The following TMEM200A variants were observed in gnomAD, a reference collection of about 807,000 sequenced individuals.
TMEM200A encodes the protein transmembrane protein 200A, also known as two transmembrane C.
A neutral mutation model predicts 24.3 loss-of-function variants in TMEM200A; 12 were observed. The observed-to-expected ratio is 0.49, with a 90% CI of 0.32 to 0.80. The LOEUF (loss-of-function observed/expected upper bound fraction) is 0.80. Among genes scored for constraint, TMEM200A ranks in the 30% least tolerant of loss-of-function variants. TMEM200A has a pLI of 0.04. For missense variants in TMEM200A, 545 were observed against 614.4 expected (o/e 0.89, Z 1.19); for synonymous variants, 224 against 224.4 (o/e 1.00, Z 0.02).
chr6:130,436,084 G>GA (rs1269930956), intron 2 of TMEM200A, among the ~76,000 whole-genome samples: 1 of 152,076 alleles, frequency 6.6e-6, no homozygotes, highest in East Asian at 1.9e-4. Context: ...ATCAGAATAA[G>GA]AAAAAAGAAA....
intron 2 of TMEM200A, among the ~76,000 whole-genome samples, chr6:130,418,302 A>G (rs1779505227): frequency 6.6e-6 from 1 of 152,200 alleles, no homozygotes; most frequent in Non-Finnish European, 1.5e-5. Context: ...GTTTGAGGAG[A>G]CAAGAATGAA....
rs553003938 is a variant in TMEM200A, at chr6:130,427,952, A to G, written c.-16-12455A>G. 5.5e-4 allele frequency among the ~76,000 whole-genome samples: 83 copies of G among 152,290 alleles called. 1 individual carries two copies. The South Asian group carries it at 8.9e-3, about 16-fold the overall frequency. On this transcript the variant is annotated intron_variant, in intron 2 of 2. Coordinates refer to ENST00000296978, the MANE Select transcript of TMEM200A (RefSeq NM_001258277.2). The stretch of plus-strand genomic sequence containing the variant: ...CAAACCATTATAAAGTGTAGAAGAT[A>G]CTTGAAGCTAAAAATATCTGAGGCA...
chr6:130,409,662 C>A (rs4298370), intron 2 of TMEM200A, among the ~76,000 whole-genome samples: 21,638 of 152,056 alleles, frequency 0.14, 1,755 homozygotes, highest in East Asian at 0.35. Context: ...TTTGATGTCT[C>A]ATGACTAGCA....
chr6:130,405,643 G>A (rs985172410), intron 2 of TMEM200A, among the ~76,000 whole-genome samples: 1 of 152,162 alleles, frequency 6.6e-6, no homozygotes, highest in Non-Finnish European at 1.5e-5. Context: ...CAGTGCTCCT[G>A]GAGAAAATCG....
intron 2 of TMEM200A, among the ~76,000 whole-genome samples, chr6:130,415,254 CAAAG>C (rs1398561053): frequency 6.6e-6 from 1 of 152,080 alleles, no homozygotes; most frequent in Non-Finnish European, 1.5e-5. Context: ...GGTTTGACCT[CAAAG>C]AGAGGGTTTT....
rs145041233 is a variant in TMEM200A at position 130,419,504 on chromosome 6, G to A, written c.-16-20903G>A. Among the ~76,000 whole-genome samples the A allele has an allele frequency of 1.7e-4, 26 of 152,122 alleles. No individual in the cohort carries two copies. In the East Asian group the frequency reaches 3.3e-3, roughly 19 times the overall value. On this transcript the variant is annotated intron_variant, in intron 2 of 2. Coordinates refer to ENST00000296978, the MANE Select transcript of TMEM200A (RefSeq NM_001258277.2). The stretch of plus-strand genomic sequence containing the variant: ...TTTTGAGAAATGTCCATACTGTTTC[G>A]CATAGTGGATGTACTAATTTACATT...
chr6:130,412,204 C>T (rs6922208), intron 2 of TMEM200A, among the ~76,000 whole-genome samples: 4,367 of 86,616 alleles, frequency 0.05, 68 homozygotes, highest in African/African-American at 0.11. Flanking sequence ...TTTTTTTTTT[C>T]TTTTTAGTGG....
chr6:130,366,152 C>G lies in TMEM200A; in HGVS notation c.-453C>G, dbSNP rs1324390912. On this transcript the variant is annotated 5_prime_UTR_variant, in exon 1 of 3. Coordinates refer to ENST00000296978, the MANE Select transcript of TMEM200A (RefSeq NM_001258277.2). The surrounding 1 kb of genome is among the most constrained non-coding windows in gnomAD (Gnocchi z 4.4). ...TGCTGCGCCCGGTGCCCTCCGAGGG[C>G]AGGCGCGCCTGGACTCTGCGCCCGG... 9 of 985,326 alleles carry G rather than the reference C, an allele frequency of 9.1e-6. No individual in the cohort carries two copies. The highest frequency in any genetic ancestry group is 1.7e-5 in the African/African-American group (1 of 57,238). The allele number at this position is 985,326 out of a possible 1,614,324, so 61.0% of individuals were successfully genotyped here. A position where few individuals can be genotyped will look rare whatever the true frequency, so the allele number is the denominator to read the frequency against.
At chr6:130,414,844 G>T (rs1213273236) in intron 2 of TMEM200A, among the ~76,000 whole-genome samples, 1 of 152,130 alleles carries the variant, frequency 6.6e-6, no homozygotes, top group African/African-American at 2.4e-5. Context: ...TAGTGGAGGA[G>T]ACACATCATA....
upstream of TMEM200A, chr6:130,365,783 T>C (rs1482275451): frequency 2.0e-6 from 2 of 985,438 alleles, no homozygotes; most frequent in South Asian, 9.4e-5. Flanking sequence ...AAGTGCAACT[T>C]TGTGGCCGGG....
intron 1 of TMEM200A, among the ~76,000 whole-genome samples, chr6:130,373,161 T>A (rs1055729228): frequency 6.6e-6 from 1 of 152,214 alleles, no homozygotes; most frequent in Admixed American, 6.5e-5. Flanking sequence ...GAGGTTGGCA[T>A]AGGAGAGACA....
At chr6:130,439,844 GAAATT>G (rs1364303873) in intron 2 of TMEM200A, among the ~76,000 whole-genome samples, 1 of 152,054 alleles carries the variant, frequency 6.6e-6, no homozygotes, top group Non-Finnish European at 1.5e-5. Flanking sequence ...AATTGAGGGG[GAAATT>G]AAATGTGGCA....
At chr6:130,378,583 G>A (rs1019536042) in intron 1 of TMEM200A, among the ~76,000 whole-genome samples, 1 of 152,050 alleles carries the variant, frequency 6.6e-6, no homozygotes, top group African/African-American at 2.4e-5. Flanking sequence ...AATTAGCCGG[G>A]CATGGTGGCT....
At chr6:130,379,304 T>C (rs1249088180) in intron 1 of TMEM200A, among the ~76,000 whole-genome samples, 1 of 152,118 alleles carries the variant, frequency 6.6e-6, no homozygotes, top group Non-Finnish European at 1.5e-5. Flanking sequence ...ACTTTCTTTC[T>C]CATAAAGGGT....
chr6:130,426,623 A>C (rs1198460967), intron 2 of TMEM200A, among the ~76,000 whole-genome samples: 1 of 152,116 alleles, frequency 6.6e-6, no homozygotes, highest in East Asian at 1.9e-4. Flanking sequence ...GCAAGCAAAG[A>C]TCACTGATGA....
At chr6:130,420,600 G>A (rs1166485024) in intron 2 of TMEM200A, among the ~76,000 whole-genome samples, 1 of 152,164 alleles carries the variant, frequency 6.6e-6, no homozygotes, top group Admixed American at 6.5e-5. Context: ...CCGGGAATAT[G>A]TGACTTCAGT....
intron 2 of TMEM200A, among the ~76,000 whole-genome samples, chr6:130,429,590 T>C (rs1041581070): frequency 2.0e-4 from 30 of 152,154 alleles, no homozygotes; most frequent in African/African-American, 7.0e-4. Flanking sequence ...CCCTGCCTGA[T>C]TCTTACACAA....
intron 1 of TMEM200A, among the ~76,000 whole-genome samples, chr6:130,384,035 G>T (rs540979927): frequency 6.6e-6 from 1 of 152,048 alleles, no homozygotes; most frequent in Non-Finnish European, 1.5e-5. Context: ...CACGAGAATC[G>T]CCTGAACCCA....
intron 2 of TMEM200A, among the ~76,000 whole-genome samples, chr6:130,399,738 G>A (rs1378113568): frequency 4.7e-5 from 7 of 150,504 alleles, no homozygotes; most frequent in African/African-American, 7.4e-5. Context: ...GATTACATAA[G>A]TAAGTTCTTT....
Sources: allele counts gnomAD v4.1 joint callset (sites outside exome capture counted in the v4.1 genomes callset), GRCh38; gene constraint gnomAD v4.1.1; non-coding constraint Gnocchi (gnomAD v3.1); transcripts MANE v1.5; gene names NCBI Gene and HGNC (gene_info 2026-07-23, HGNC 2026-07-21).